The following EYS variants were observed in gnomAD, a reference collection of about 807,000 sequenced individuals.
EYS encodes EGF-like photoreceptor maintenance factor.
In EYS, 250 loss-of-function variants were observed where a neutral mutation model predicts 282.1. That is an observed-to-expected ratio of 0.89 (90% CI 0.80 to 0.98). EYS has a LOEUF of 0.98. Among genes scored for constraint, EYS ranks in the 50% least tolerant of loss-of-function variants. The probability of loss-of-function intolerance (pLI) is 0.00; values close to 1 mark genes in which losing one functional copy is unlikely to be tolerated. For missense variants in EYS, 4,016 were observed against 3,709.0 expected, an observed-to-expected ratio of 1.08 and a Z score of -2.15; for synonymous variants, 1,355 against 1,282.9, an observed-to-expected ratio of 1.06 and a Z score of -1.20.
At chr6:65,085,762 C>A (rs770738081) in intron 12 of EYS, among the ~76,000 whole-genome samples, 8 of 152,080 alleles carry the variant, frequency 5.3e-5, no homozygotes, top group Non-Finnish European at 1.0e-4. Flanking sequence ...CCACTTTTCT[C>A]TATTCCCTTT....
At chr6:64,346,189 A>C (rs1468748791) in intron 29 of EYS, among the ~76,000 whole-genome samples, 1 of 152,120 alleles carries the variant, frequency 6.6e-6, no homozygotes, top group Non-Finnish European at 1.5e-5. Flanking sequence ...TGACCCAGCC[A>C]TCCCATTACT....
chr6:64,901,996 G>T, intron 18 of EYS, 117 bp downstream of exon 18: 1 of 664,986 alleles, frequency 1.5e-6, no homozygotes, highest in Non-Finnish European at 2.5e-6. Flanking sequence ...GCTGGTACAA[G>T]CACAAATGTA....
chr6:64,256,257 T>G (rs979168096), intron 30 of EYS, among the ~76,000 whole-genome samples: 3 of 152,048 alleles, frequency 2.0e-5, no homozygotes, highest in Non-Finnish European at 4.4e-5. Flanking sequence ...ACATGTAGAA[T>G]GTATGTGATT....
At chr6:64,992,818 G>A (rs72875967) in intron 14 of EYS, among the ~76,000 whole-genome samples, 10,279 of 152,034 alleles carry the variant, frequency 0.068, 442 homozygotes, top group East Asian at 0.13. Flanking sequence ...TTTGGACAGA[G>A]AGCAGTTGGA....
intron 2 of EYS, among the ~76,000 whole-genome samples, chr6:65,590,803 T>C (rs1478111419): frequency 6.6e-6 from 1 of 151,606 alleles, no homozygotes; most frequent in Non-Finnish European, 1.5e-5. Context: ...AAAAACAGAA[T>C]TTTAATGTTT....
chr6:65,299,605 A>G (rs924831192), intron 11 of EYS, among the ~76,000 whole-genome samples: 1 of 116,974 alleles, frequency 8.5e-6, no homozygotes, highest in Non-Finnish European at 1.9e-5. Flanking sequence ...TTCATCAAAT[A>G]CTATGTAAAT....
At chr6:65,216,584 T>C (rs1468944429) in intron 12 of EYS, among the ~76,000 whole-genome samples, 1 of 151,856 alleles carries the variant, frequency 6.6e-6, no homozygotes, top group Admixed American at 6.6e-5. Flanking sequence ...TATATTAGAA[T>C]ATATTGAGTT....
At chr6:65,230,593 T>A (rs1416632203) in intron 12 of EYS, among the ~76,000 whole-genome samples, 1 of 151,826 alleles carries the variant, frequency 6.6e-6, no homozygotes, top group Non-Finnish European at 1.5e-5. Flanking sequence ...ATGCAAAATT[T>A]ATTTTCATGT....
chr6:64,269,339 T>C lies in EYS; in HGVS notation c.6191+37631A>G, dbSNP rs1346485818. ...GTGCGACTAACATAGAATAATTTCA[T>C]AGAATGAAATAAAAATGGAAAATAA... On this transcript the variant is annotated intron_variant, in intron 30 of 42. Transcript: ENST00000503581. Among the ~76,000 whole-genome samples the C allele has an allele frequency of 3.3e-5, 5 of 152,070 alleles. No individual in the cohort carries two copies. The East Asian group carries it at 5.8e-4, about 18-fold the overall frequency.
At chr6:65,367,582 C>A (rs1047777447) in intron 8 of EYS, among the ~76,000 whole-genome samples, 3 of 151,468 alleles carry the variant, frequency 2.0e-5, no homozygotes, top group African/African-American at 7.3e-5. Flanking sequence ...TCTATCACTT[C>A]TTATAGTTGT....
intron 11 of EYS, among the ~76,000 whole-genome samples, chr6:65,324,890 C>T (rs1212740480): frequency 6.6e-6 from 1 of 152,176 alleles, no homozygotes; most frequent in Non-Finnish European, 1.5e-5. Flanking sequence ...TTTGAAAGAG[C>T]TAGATACTGT....
Position 64,447,414 on chromosome 6 carries a change from T to G in EYS, c.5645-8062A>C, listed in dbSNP as rs536334019. On this transcript the variant is annotated intron_variant, in intron 26 of 42. Coordinates refer to ENST00000503581, the MANE Select transcript of EYS (RefSeq NM_001142800.2). ...AATTAGCATTTATTTACTTAGTATA[T>G]GATAGGTTTTATTAGAAGCTTTACA... Among the ~76,000 whole-genome samples the G allele has an allele frequency of 2.0e-4, 31 of 152,186 alleles. No individual in the cohort carries two copies. In the South Asian group the frequency reaches 6.2e-3, roughly 31 times the overall value.
intron 22 of EYS, among the ~76,000 whole-genome samples, chr6:64,724,142 T>A (rs1583081450): frequency 6.6e-6 from 1 of 152,192 alleles, no homozygotes; most frequent in East Asian, 1.9e-4. Context: ...GCTGATTTGA[T>A]AGTAAACTTG....
chr6:64,835,984 C>G (rs988889659), intron 19 of EYS, among the ~76,000 whole-genome samples: 2 of 151,546 alleles, frequency 1.3e-5, no homozygotes, highest in Non-Finnish European at 3.0e-5. Context: ...AAATGCCTCC[C>G]TTTCCTCCAT....
intron 35 of EYS, among the ~76,000 whole-genome samples, chr6:63,951,645 A>G (rs1344368002): frequency 1.3e-5 from 2 of 151,830 alleles, no homozygotes; most frequent in Non-Finnish European, 2.9e-5. Flanking sequence ...TAATCCTTTT[A>G]TCTCCTCCCC....
At chr6:63,906,775 C>T (rs1399585941) in intron 35 of EYS, among the ~76,000 whole-genome samples, 1 of 151,788 alleles carries the variant, frequency 6.6e-6, no homozygotes, top group East Asian at 1.9e-4. Context: ...TAAAACTGTT[C>T]CCAAGGAGTG....
chr6:64,006,543 A>G (rs1768356734), intron 33 of EYS, among the ~76,000 whole-genome samples: 1 of 152,142 alleles, frequency 6.6e-6, no homozygotes. Context: ...AAGTGGTAAG[A>G]GTGGACATCC....
intron 5 of EYS, among the ~76,000 whole-genome samples, chr6:65,406,343 C>T (rs116028770): frequency 0.055 from 8,349 of 151,978 alleles, 327 homozygotes; most frequent in African/African-American, 0.11. Context: ...TTATGATATA[C>T]GTGATTTGGC....
chr6:64,717,629 A>G (rs1033728673), intron 22 of EYS, among the ~76,000 whole-genome samples: 2 of 152,210 alleles, frequency 1.3e-5, no homozygotes, highest in African/African-American at 4.8e-5. Flanking sequence ...CTAAGAGGCC[A>G]TGAACTGGCA....
Sources: gnomAD v4.1 joint callset for allele counts (sites outside exome capture counted in the v4.1 genomes callset) on GRCh38, gnomAD v4.1.1 for gene constraint, MANE v1.5 for transcripts, NCBI Gene and HGNC (gene_info 2026-07-23, HGNC 2026-07-21) for gene names.